The following BBS9 variants were observed in gnomAD, a reference collection of about 807,000 sequenced individuals.
BBS9 encodes the protein Bardet-Biedl syndrome 9, also known as protein PTHB1.
In BBS9, 89 loss-of-function variants were observed where a neutral mutation model predicts 117.7. The observed-to-expected ratio is 0.76, with a 90% CI of 0.64 to 0.90. The LOEUF (loss-of-function observed/expected upper bound fraction) is 0.90. Ranked by LOEUF, BBS9 falls within the 40% of genes least tolerant of loss-of-function variation. The pLI is 0.00. For missense variants in BBS9, 982 were observed against 1,042.2 expected (o/e 0.94, Z 0.80); for synonymous variants, 379 against 370.9 (o/e 1.02, Z -0.25).
intron 19 of BBS9, among the ~76,000 whole-genome samples, chr7:33,422,665 T>C (rs937570428): frequency 1.3e-5 from 2 of 152,212 alleles, no homozygotes; most frequent in Non-Finnish European, 2.9e-5. Context: ...CACAAAAGAT[T>C]ATATTTGGCT....
intron 19 of BBS9, among the ~76,000 whole-genome samples, chr7:33,493,648 C>CT (rs2128999039): frequency 6.6e-6 from 1 of 152,306 alleles, no homozygotes; most frequent in East Asian, 1.9e-4. Flanking sequence ...TACCACCTTT[C>CT]TGGAAAGGTT....
intron 19 of BBS9, among the ~76,000 whole-genome samples, chr7:33,503,132 C>T (rs1845672382): frequency 2.0e-5 from 3 of 152,118 alleles, no homozygotes; most frequent in South Asian, 2.1e-4. Context: ...GACTCCTCTG[C>T]GCATGTGCAT....
chr7:33,601,152 T>C (rs1863732238), intron 21 of BBS9, among the ~76,000 whole-genome samples: 1 of 152,198 alleles, frequency 6.6e-6, no homozygotes, highest in Non-Finnish European at 1.5e-5. Context: ...AGTGAGTTAC[T>C]GTACTGAAAA....
intron 2 of BBS9, among the ~76,000 whole-genome samples, chr7:33,151,194 A>G (rs887872881): frequency 1.3e-5 from 2 of 152,080 alleles, no homozygotes; most frequent in Non-Finnish European, 2.9e-5. Flanking sequence ...TGAGGCTGCA[A>G]CAAGCTGTGA....
At chr7:33,202,985 T>TCC (rs528504699) in intron 5 of BBS9, among the ~76,000 whole-genome samples, 6 of 152,110 alleles carry the variant, frequency 3.9e-5, no homozygotes, top group Non-Finnish European at 7.4e-5. Flanking sequence ...AACAAGGGGC[T>TCC]CCCCCAATAA....
intron 20 of BBS9, among the ~76,000 whole-genome samples, chr7:33,529,383 T>C (rs368763087): frequency 1.3e-5 from 2 of 152,162 alleles, no homozygotes; most frequent in African/African-American, 4.8e-5. Context: ...AGTGACACTT[T>C]CAGCAGGCTC....
intron 21 of BBS9, among the ~76,000 whole-genome samples, chr7:33,568,006 C>T (rs1463401422): frequency 2.0e-5 from 3 of 152,160 alleles, no homozygotes; most frequent in Admixed American, 2.0e-4. Context: ...TGTAGTCTTT[C>T]TTCTTCAATA....
At chr7:33,504,777 AG>A (rs1316200395) in intron 19 of BBS9, among the ~76,000 whole-genome samples, 1 of 152,058 alleles carries the variant, frequency 6.6e-6, no homozygotes, top group Non-Finnish European at 1.5e-5. Context: ...GATGAAAAAA[AG>A]TCAATTCTAC....
intron 19 of BBS9, among the ~76,000 whole-genome samples, chr7:33,503,912 G>A (rs113438788): frequency 0.016 from 2,458 of 152,212 alleles, 17 homozygotes; most frequent in Non-Finnish European, 0.019. Flanking sequence ...TCCAAGCTCC[G>A]TTTGAGTAAA....
chr7:33,582,400 G>A (rs540248043), intron 21 of BBS9, among the ~76,000 whole-genome samples: 1 of 152,014 alleles, frequency 6.6e-6, no homozygotes, highest in Non-Finnish European at 1.5e-5. Flanking sequence ...CTAAGTGAAG[G>A]CCAGGACAGG....
intron 19 of BBS9, among the ~76,000 whole-genome samples, chr7:33,448,265 C>T (rs1837285567): frequency 6.6e-6 from 1 of 152,170 alleles, no homozygotes; most frequent in Non-Finnish European, 1.5e-5. Context: ...AGGCCTCTCT[C>T]CCTCCCTTGT....
chr7:33,444,286 A>T (rs1836657118), intron 19 of BBS9, among the ~76,000 whole-genome samples: 1 of 152,212 alleles, frequency 6.6e-6, no homozygotes, highest in South Asian at 2.1e-4. Flanking sequence ...CTTTATTGTC[A>T]GTTTTGAAGA....
Position 33,460,015 on chromosome 7 carries a change from T to C in BBS9, c.2116-45448T>C, listed in dbSNP as rs1257806718. 2.6e-5 allele frequency among the ~76,000 whole-genome samples: 4 copies of C among 152,122 alleles called. No individual in the cohort carries two copies. In the East Asian group the frequency reaches 5.8e-4, roughly 22 times the overall value. ...ATGTATTGCTTTTATAATATACTGA[T>C]GGTGTTTGAGACTACTGTTACTTTA... On this transcript the variant is annotated intron_variant, in intron 19 of 22. Transcript: ENST00000242067.
At chr7:33,308,097 T>C (rs1485364494) in intron 9 of BBS9, among the ~76,000 whole-genome samples, 2 of 152,212 alleles carry the variant, frequency 1.3e-5, no homozygotes, top group African/African-American at 4.8e-5. Flanking sequence ...TGTCATCTTC[T>C]GACTGGTAAA....
chr7:33,331,480 A>G (rs56205706), intron 9 of BBS9, among the ~76,000 whole-genome samples: 12,186 of 152,160 alleles, frequency 0.08, 513 homozygotes, highest in South Asian at 0.14. Context: ...AATTGTCACT[A>G]TTTGCTGATA....
At chr7:33,396,766 A>G (rs1038255224) in intron 19 of BBS9, among the ~76,000 whole-genome samples, 1 of 152,192 alleles carries the variant, frequency 6.6e-6, no homozygotes, top group African/African-American at 2.4e-5. Flanking sequence ...CTGCAAGACT[A>G]CAGTAACCAA....
intron 9 of BBS9, among the ~76,000 whole-genome samples, chr7:33,286,655 A>C (rs566025611): frequency 2.0e-5 from 3 of 152,280 alleles, no homozygotes; most frequent in Non-Finnish European, 4.4e-5. Flanking sequence ...TTACTGTAGA[A>C]TATAAAAGAG....
chr7:33,578,658 G>A (rs1180613251), intron 21 of BBS9, among the ~76,000 whole-genome samples: 2 of 152,142 alleles, frequency 1.3e-5, no homozygotes, highest in African/African-American at 4.8e-5. Context: ...GCCACACACA[G>A]CCTGAAAACA....
At chr7:33,533,171 C>A (rs1850844666) in intron 20 of BBS9, among the ~76,000 whole-genome samples, 3 of 152,188 alleles carry the variant, frequency 2.0e-5, no homozygotes, top group Admixed American at 2.0e-4. Context: ...GAGGGTGGTG[C>A]CTCCCCATGC....
Sources: gnomAD v4.1 joint callset for allele counts (sites outside exome capture counted in the v4.1 genomes callset) on GRCh38, gnomAD v4.1.1 for gene constraint, MANE v1.5 for transcripts, NCBI Gene and HGNC (gene_info 2026-07-23, HGNC 2026-07-21) for gene names.